Variants in SUPT3H observed in about 807,000 individuals in gnomAD.
SUPT3H encodes the protein SPT3 homolog, SAGA and STAGA complex component, also known as transcription initiation protein SPT3 homolog.
A neutral mutation model predicts 44.3 loss-of-function variants in SUPT3H; 44 were observed. The ratio of observed to expected loss-of-function variants is 0.99; its 90% CI spans 0.78 to 1.28. The LOEUF (loss-of-function observed/expected upper bound fraction) is 1.28, where lower values mean the gene tolerates loss of function less well. Among genes scored for constraint, SUPT3H ranks in the 50% most tolerant of loss-of-function variants. The pLI, the probability that SUPT3H is intolerant of heterozygous loss-of-function variation, is 0.00. For synonymous variants in SUPT3H, 124 were observed against 125.6 expected (o/e 0.99, Z 0.09); for missense variants, 380 against 387.1 (o/e 0.98, Z 0.15).
chr6:45,231,066 T>C (rs571707738), intron 2 of SUPT3H, among the ~76,000 whole-genome samples: 1 of 152,290 alleles, frequency 6.6e-6, no homozygotes, highest in South Asian at 2.1e-4. Context: ...TGTTTAGTTG[T>C]TTTGAATATT....
At chr6:45,018,955 C>T (rs994927433) in intron 4 of SUPT3H, among the ~76,000 whole-genome samples, 19 of 151,988 alleles carry the variant, frequency 1.3e-4, no homozygotes, top group African/African-American at 3.6e-4. Flanking sequence ...TGGTAGAATT[C>T]GGCTGTGAAT....
chr6:45,368,991 T>C (rs1795602394), intron 1 of SUPT3H, among the ~76,000 whole-genome samples: 1 of 109,954 alleles, frequency 9.1e-6, no homozygotes, highest in African/African-American at 3.0e-5. Context: ...AAATGGTCAA[T>C]CACTGAGAAT....
chr6:45,318,094 C>A (rs1331130946), intron 2 of SUPT3H, among the ~76,000 whole-genome samples: 3 of 152,116 alleles, frequency 2.0e-5, no homozygotes, highest in Non-Finnish European at 4.4e-5. Context: ...GGAGTCAATT[C>A]CAACTACATG....
intron 10 of SUPT3H, among the ~76,000 whole-genome samples, chr6:44,932,326 A>G (rs1179510179): frequency 6.6e-6 from 1 of 152,340 alleles, no homozygotes; most frequent in South Asian, 2.1e-4. Context: ...TTTAAAATAT[A>G]AAGTGCTACT....
intron 3 of SUPT3H, among the ~76,000 whole-genome samples, chr6:45,066,157 T>C (rs1300424686): frequency 6.9e-6 from 1 of 144,226 alleles, no homozygotes; most frequent in Non-Finnish European, 1.5e-5. Flanking sequence ...TGGTTCAATA[T>C]ACGCAAATCA....
At chr6:44,997,623 A>G (rs1214224099) in intron 6 of SUPT3H, among the ~76,000 whole-genome samples, 1 of 151,886 alleles carries the variant, frequency 6.6e-6, no homozygotes, top group Non-Finnish European at 1.5e-5. Flanking sequence ...GTACATAATG[A>G]TAAATTTTTG....
chr6:45,157,254 T>A (rs1430405181), intron 2 of SUPT3H, among the ~76,000 whole-genome samples: 1 of 152,028 alleles, frequency 6.6e-6, no homozygotes, highest in Non-Finnish European at 1.5e-5. Flanking sequence ...GGTTATCAAT[T>A]TTTATATTTT....
intron 2 of SUPT3H, among the ~76,000 whole-genome samples, chr6:45,341,672 T>C (rs558429208): frequency 1.3e-5 from 2 of 152,220 alleles, no homozygotes; most frequent in East Asian, 1.9e-4. Flanking sequence ...GCAAAATGTA[T>C]ACACATGAAA....
At chr6:44,859,898 G>T (rs946094429) in intron 10 of SUPT3H, among the ~76,000 whole-genome samples, 2 of 151,904 alleles carry the variant, frequency 1.3e-5, no homozygotes, top group Non-Finnish European at 2.9e-5. Context: ...CAAAGTAATA[G>T]GGCTTGATTT....
intron 3 of SUPT3H, among the ~76,000 whole-genome samples, chr6:45,105,181 T>A (rs1179149347): frequency 6.6e-6 from 1 of 152,014 alleles, no homozygotes; most frequent in East Asian, 1.9e-4. Flanking sequence ...AAATACATGA[T>A]GATGGTAAAA....
intron 3 of SUPT3H, among the ~76,000 whole-genome samples, chr6:45,096,814 T>TA (rs754818946): frequency 6.6e-6 from 1 of 152,086 alleles, no homozygotes; most frequent in Non-Finnish European, 1.5e-5. Context: ...GGTTTTTTTT[T>TA]AAAGAATCAA....
At chr6:44,836,464 A>G (rs548093883) in intron 10 of SUPT3H, among the ~76,000 whole-genome samples, 1 of 152,240 alleles carries the variant, frequency 6.6e-6, no homozygotes, top group East Asian at 1.9e-4. Flanking sequence ...GGAAAAAAAC[A>G]TAGTATTAAC....
chr6:44,928,909 A>AAAAAAAAAAAAAAAAAAAAAG (rs1491361687), intron 10 of SUPT3H, among the ~76,000 whole-genome samples: 2 of 139,076 alleles, frequency 1.4e-5, no homozygotes, highest in African/African-American at 5.4e-5. Flanking sequence ...AAAAAAGAAA[A>AAAAAAAAAAAAAAAAAAAAAG]GAAAAGAAAC....
intron 2 of SUPT3H, among the ~76,000 whole-genome samples, chr6:45,276,844 A>T (rs1000719909): frequency 3.3e-5 from 5 of 152,194 alleles, no homozygotes; most frequent in African/African-American, 1.2e-4. Context: ...TGCCACAGAG[A>T]CTTTGAACTG....
chr6:45,293,739 G>T (rs1266332755), intron 2 of SUPT3H, among the ~76,000 whole-genome samples: 1 of 152,088 alleles, frequency 6.6e-6, no homozygotes, highest in African/African-American at 2.4e-5. Context: ...AAACCTAGAA[G>T]AAATGGATAA....
At chr6:44,960,193 G>T (rs1775806886) in intron 7 of SUPT3H, among the ~76,000 whole-genome samples, 1 of 151,818 alleles carries the variant, frequency 6.6e-6, no homozygotes, top group Non-Finnish European at 1.5e-5. Context: ...GCTCACCTGA[G>T]GTCAGGAGTT....
At chr6:45,087,822 G>A (rs1403322161) in intron 3 of SUPT3H, among the ~76,000 whole-genome samples, 1 of 151,850 alleles carries the variant, frequency 6.6e-6, no homozygotes, top group Non-Finnish European at 1.5e-5. Flanking sequence ...TTTCAAGAAT[G>A]TTGGGAAATT....
chr6:45,167,834 A>G (rs1390004205), intron 2 of SUPT3H, among the ~76,000 whole-genome samples: 2 of 151,618 alleles, frequency 1.3e-5, no homozygotes, highest in East Asian at 3.9e-4. Context: ...TTTTTTAGAC[A>G]GAGTTTCACT....
At chr6:45,254,888 T>C (rs971411734) in intron 2 of SUPT3H, among the ~76,000 whole-genome samples, 3 of 152,174 alleles carry the variant, frequency 2.0e-5, no homozygotes, top group African/African-American at 7.2e-5. Flanking sequence ...GCCAACCTGC[T>C]GCATTCCCCT....
Sources: gnomAD v4.1 joint callset for allele counts (sites outside exome capture counted in the v4.1 genomes callset) on GRCh38, gnomAD v4.1.1 for gene constraint, MANE v1.5 for transcripts, NCBI Gene and HGNC (gene_info 2026-07-23, HGNC 2026-07-21) for gene names.